Variants in RBFOX1 observed in about 807,000 individuals in gnomAD.
The protein encoded by RBFOX1 is RNA binding protein fox-1 homolog 1.
RBFOX1 carries 8 observed loss-of-function variants against 57.7 expected under a neutral mutation model. The observed-to-expected ratio is 0.14, with a 90% confidence interval of 0.08 to 0.25. RBFOX1 has a LOEUF of 0.25. Among genes scored for constraint, RBFOX1 ranks in the 10% least tolerant of loss-of-function variants. The probability of loss-of-function intolerance (pLI) is 1.00; values close to 1 mark genes in which losing one functional copy is unlikely to be tolerated. For synonymous variants in RBFOX1, 326 were observed against 222.4 expected, an observed-to-expected ratio of 1.47 and a Z score of -4.15; for missense variants, 611 against 548.5, an observed-to-expected ratio of 1.11 and a Z score of -1.14.
chr16:6,600,331 A>T (rs2097837405), intron 2 of RBFOX1, among the ~76,000 whole-genome samples: 1 of 152,128 alleles, frequency 6.6e-6, no homozygotes, highest in South Asian at 2.1e-4. Flanking sequence ...ATTGAGCTCC[A>T]GCTGAGCTAC....
intron 4 of RBFOX1, among the ~76,000 whole-genome samples, chr16:7,152,245 G>A (rs2076245904): frequency 6.6e-6 from 1 of 152,158 alleles, no homozygotes; most frequent in Non-Finnish European, 1.5e-5. Context: ...AGCACAAGTA[G>A]GCTGTGCATA....
chr16:6,819,225 C>T (rs1045354352), intron 3 of RBFOX1, among the ~76,000 whole-genome samples: 6 of 152,146 alleles, frequency 3.9e-5, no homozygotes, highest in Admixed American at 3.9e-4. Flanking sequence ...CGTCTTCATT[C>T]CTGTGGTTGG....
intron 1 of RBFOX1, among the ~76,000 whole-genome samples, chr16:5,452,835 G>A (rs543913998): frequency 1.3e-5 from 2 of 151,950 alleles, no homozygotes; most frequent in South Asian, 4.2e-4. Context: ...GTAGGGACGG[G>A]GTTTGCTCAG....
intron 2 of RBFOX1, among the ~76,000 whole-genome samples, chr16:5,576,357 T>G (rs1194795852): frequency 6.6e-6 from 1 of 152,176 alleles, no homozygotes; most frequent in Non-Finnish European, 1.5e-5. Context: ...CCTTTTCTCC[T>G]TCAGTCCCTC....
chr16:7,082,141 A>T (rs547423236), intron 4 of RBFOX1, among the ~76,000 whole-genome samples: 1 of 152,114 alleles, frequency 6.6e-6, no homozygotes. Flanking sequence ...ATTCCCTGTT[A>T]TCTATCTTGG....
chr16:6,483,594 G>A (rs2095410591), intron 2 of RBFOX1: 5 of 1,522,724 alleles, frequency 3.3e-6, no homozygotes, highest in Admixed American at 2.0e-5. Context: ...AGGAGAGAAA[G>A]AGGGAGAGAG....
intron 2 of RBFOX1, among the ~76,000 whole-genome samples, chr16:6,653,043 C>G (rs902214679): frequency 7.0e-4 from 107 of 152,144 alleles, no homozygotes; most frequent in African/African-American, 2.5e-3. Flanking sequence ...GGCCTCCTTC[C>G]TCTTGCTTGG....
rs558662375 is a variant in RBFOX1 at position 7,609,293 on chromosome 16, A to G, written c.676+1955A>G. ...TGGAGAGGGCAAAATGCATTTTTAC[A>G]TTTTTCTGGTCCTGTGCGATGGAGT... On this transcript the variant is annotated intron_variant, in intron 10 of 15. Transcript: ENST00000550418. 3.9e-5 allele frequency among the ~76,000 whole-genome samples: 6 copies of G among 152,112 alleles called. 2 individuals carry two copies. Among genetic ancestry groups the G allele is most frequent in the East Asian group, 1.9e-4 (1 of 5,164 alleles).
At chr16:5,825,334 C>T (rs1320487722) in intron 3 of RBFOX1, among the ~76,000 whole-genome samples, 3 of 152,192 alleles carry the variant, frequency 2.0e-5, no homozygotes, top group Non-Finnish European at 4.4e-5. Context: ...CAGGGACCTC[C>T]CCTCTCTATG....
chr16:5,820,349 A>C (rs2055800141), intron 3 of RBFOX1, among the ~76,000 whole-genome samples: 1 of 152,146 alleles, frequency 6.6e-6, no homozygotes. Flanking sequence ...TCTTTATATA[A>C]ATCCTGCAAG....
chr16:6,029,761 A>G (rs941187603), intron 1 of RBFOX1, among the ~76,000 whole-genome samples: 2 of 134,604 alleles, frequency 1.5e-5, no homozygotes, highest in African/African-American at 5.7e-5. Flanking sequence ...CGACAGATCG[A>G]GACTCCGTCT....
At chr16:7,360,783 T>C (rs1404383738) in intron 4 of RBFOX1, among the ~76,000 whole-genome samples, 1 of 152,194 alleles carries the variant, frequency 6.6e-6, no homozygotes, top group East Asian at 1.9e-4. Context: ...AAGTCTTCTT[T>C]TCACTTTGCC....
chr16:7,704,809 G>C (rs1217793954), intron 14 of RBFOX1, among the ~76,000 whole-genome samples: 1 of 152,178 alleles, frequency 6.6e-6, no homozygotes, highest in East Asian at 1.9e-4. Flanking sequence ...CTAGCACTTT[G>C]GGAGGCCAAG....
intron 5 of RBFOX1, among the ~76,000 whole-genome samples, chr16:7,535,795 A>G (rs538084815): frequency 7.9e-5 from 12 of 152,328 alleles, no homozygotes; most frequent in African/African-American, 2.9e-4. Context: ...GCATAAAGCT[A>G]TAAACTTTTT....
chr16:7,029,001 C>G (rs1356671023), intron 3 of RBFOX1, among the ~76,000 whole-genome samples: 1 of 134,276 alleles, frequency 7.4e-6, no homozygotes, highest in Non-Finnish European at 1.5e-5. Flanking sequence ...ATGAACTTAA[C>G]TAACGGTTTC....
chr16:5,919,996 T>A (rs1353666259), intron 4 of RBFOX1, among the ~76,000 whole-genome samples: 1 of 152,184 alleles, frequency 6.6e-6, no homozygotes, highest in Non-Finnish European at 1.5e-5. Flanking sequence ...TGGAGTGCAG[T>A]GGCGCGATCT....
chr16:7,617,271 G>A (rs866122504), intron 10 of RBFOX1, among the ~76,000 whole-genome samples: 1 of 152,150 alleles, frequency 6.6e-6, no homozygotes, highest in Non-Finnish European at 1.5e-5. Flanking sequence ...TGTAAAAGTA[G>A]CCATAGACAA....
intron 2 of RBFOX1, among the ~76,000 whole-genome samples, chr16:6,588,582 G>A (rs1300077024): frequency 2.6e-5 from 4 of 152,110 alleles, no homozygotes; most frequent in Non-Finnish European, 5.9e-5. Context: ...AATCTAGGAG[G>A]TGGAGGTTGC....
At chr16:5,678,873 C>T (rs1008091023) in intron 3 of RBFOX1, among the ~76,000 whole-genome samples, 3 of 152,164 alleles carry the variant, frequency 2.0e-5, no homozygotes, top group African/African-American at 7.2e-5. Flanking sequence ...TTTGTAGACC[C>T]AGCTCATGGG....
Sources: allele counts gnomAD v4.1 joint callset (sites outside exome capture counted in the v4.1 genomes callset), GRCh38; gene constraint gnomAD v4.1.1; transcripts MANE v1.5; gene names NCBI Gene and HGNC (gene_info 2026-07-23, HGNC 2026-07-21).